The following SCAMP1 variants were observed in gnomAD, a reference collection of about 807,000 sequenced individuals.
SCAMP1 encodes the protein secretory carrier membrane protein 1, also known as secretory carrier-associated membrane protein 1.
In SCAMP1, 15 loss-of-function variants were observed where a neutral mutation model predicts 41.8. The observed-to-expected ratio is 0.36, with a 90% CI of 0.24 to 0.55. The LOEUF is 0.55. Among genes scored for constraint, SCAMP1 ranks in the 20% least tolerant of loss-of-function variants. The pLI, the probability that SCAMP1 is intolerant of heterozygous loss-of-function variation, is 0.86. For missense variants in SCAMP1, 341 were observed against 412.6 expected (o/e 0.83, Z 1.50); for synonymous variants, 135 against 136.8 (o/e 0.99, Z 0.09).
intron 7 of SCAMP1, among the ~76,000 whole-genome samples, chr5:78,457,442 T>C (rs540140297): frequency 0.013 from 1,994 of 150,276 alleles, 17 homozygotes; most frequent in African/African-American, 0.025. Flanking sequence ...GAATACCCTG[T>C]CGTGTAAGGT....
At chr5:78,367,121 G>A (rs1490314860) in intron 1 of SCAMP1, among the ~76,000 whole-genome samples, 1 of 152,110 alleles carries the variant, frequency 6.6e-6, no homozygotes, top group African/African-American at 2.4e-5. Context: ...TCAACTGCAT[G>A]AATTCCTGCT....
At chr5:78,456,761 A>T (rs1265747705) in intron 7 of SCAMP1, among the ~76,000 whole-genome samples, 1 of 145,026 alleles carries the variant, frequency 6.9e-6, no homozygotes, top group African/African-American at 2.7e-5. Flanking sequence ...GTTCTCCTGG[A>T]TAATATCCTG....
intron 2 of SCAMP1, among the ~76,000 whole-genome samples, chr5:78,411,787 C>G (rs1431040421): frequency 6.6e-6 from 1 of 151,934 alleles, no homozygotes; most frequent in African/African-American, 2.4e-5. Context: ...TTTTAAAGAC[C>G]AGATATTCAT....
chr5:78,371,590 C>T (rs958341010), intron 1 of SCAMP1, among the ~76,000 whole-genome samples: 1 of 152,068 alleles, frequency 6.6e-6, no homozygotes, highest in South Asian at 2.1e-4. Flanking sequence ...TTAACTTGTC[C>T]GGCTTCTAAA....
intron 1 of SCAMP1, chr5:78,360,975 A>T (rs1464568766): frequency 2.0e-6 from 1 of 496,082 alleles, no homozygotes. Context: ...CCGACTGGTG[A>T]GGGTCGTGTC....
At chr5:78,432,730 C>G (rs1752654268) in intron 6 of SCAMP1, among the ~76,000 whole-genome samples, 1 of 151,852 alleles carries the variant, frequency 6.6e-6, no homozygotes, top group Non-Finnish European at 1.5e-5. Context: ...TTCTGTTTAT[C>G]CTTAGTGTTG....
chr5:78,411,315 A>G (rs990574521), intron 2 of SCAMP1, among the ~76,000 whole-genome samples: 4 of 152,150 alleles, frequency 2.6e-5, no homozygotes, highest in Non-Finnish European at 4.4e-5. Flanking sequence ...AGAAGTTAGC[A>G]TTGATTAGCC....
At chr5:78,369,601 G>C (rs370861831) in intron 1 of SCAMP1, among the ~76,000 whole-genome samples, 1 of 152,240 alleles carries the variant, frequency 6.6e-6, no homozygotes, top group African/African-American at 2.4e-5. Flanking sequence ...AGCACATGCT[G>C]TTGGGAAAAT....
chr5:78,369,414 A>G (rs896257758), intron 1 of SCAMP1, among the ~76,000 whole-genome samples: 5 of 152,270 alleles, frequency 3.3e-5, no homozygotes, highest in African/African-American at 9.6e-5. Flanking sequence ...GCCAGGACAC[A>G]TAACATTTAT....
intron 2 of SCAMP1, among the ~76,000 whole-genome samples, chr5:78,400,659 G>A (rs1026139442): frequency 5.9e-5 from 9 of 152,140 alleles, no homozygotes; most frequent in Middle Eastern, 3.2e-3. Flanking sequence ...GTTCATTGCT[G>A]TTACATATGA....
intron 2 of SCAMP1, among the ~76,000 whole-genome samples, chr5:78,396,322 A>T (rs1344570669): frequency 4.6e-5 from 7 of 152,176 alleles, no homozygotes; most frequent in Admixed American, 2.6e-4. Flanking sequence ...AGATATTGAT[A>T]ATGGGGGAGA....
intron 2 of SCAMP1, among the ~76,000 whole-genome samples, chr5:78,399,304 T>A (rs1447608433): frequency 1.3e-5 from 2 of 152,212 alleles, no homozygotes; most frequent in Non-Finnish European, 2.9e-5. Context: ...TTTGTATGGA[T>A]GTAAGTTTTC....
chr5:78,455,010 C>T (rs1753349631), intron 7 of SCAMP1, among the ~76,000 whole-genome samples: 1 of 152,012 alleles, frequency 6.6e-6, no homozygotes, highest in Admixed American at 6.6e-5. Flanking sequence ...GTTTGTATTT[C>T]TGTGGGATCA....
chr5:78,418,860 A>G lies in SCAMP1; in HGVS notation c.429A>G (p.Val143=). Residue 143 remains valine (V), a synonymous_variant, in exon 5 of 9, where the codon GTA becomes GTG. Transcript: ENST00000621999. The stretch of plus-strand genomic sequence containing the variant: ...AGGATTTTTCTGTAGACATTCCTGT[A>G]GAATTCCAAAAGACAGTAAAGCTTA... ...FYQDFSVDIP[V]EFQKTVKLMY... is the part of the protein sequence containing the mutation. The G allele has an allele frequency of 6.3e-7, 1 of 1,581,362 alleles. No homozygotes were observed. Among genetic ancestry groups the G allele is most frequent in the Admixed American group, 1.8e-5 (1 of 55,492 alleles).
intron 1 of SCAMP1, among the ~76,000 whole-genome samples, chr5:78,367,073 G>A (rs1750816508): frequency 1.3e-5 from 2 of 152,302 alleles, no homozygotes; most frequent in South Asian, 4.1e-4. Context: ...GGAACATAGT[G>A]GTTGCAGTTT....
chr5:78,416,499 T>TCCCC (rs1561267255), intron 3 of SCAMP1, 42 bp from the exon 4 acceptor site: 1 of 1,422,204 alleles, frequency 7.0e-7, no homozygotes, highest in Non-Finnish European at 9.6e-7. Context: ...AAGTATTTTA[T>TCCCC]ACTTCTGACA....
chr5:78,462,805 T>G (rs1469780587), intron 8 of SCAMP1, among the ~76,000 whole-genome samples: 1 of 152,228 alleles, frequency 6.6e-6, no homozygotes. Flanking sequence ...TATTTAAAGT[T>G]TTATTTTGTC....
intron 1 of SCAMP1, among the ~76,000 whole-genome samples, chr5:78,372,647 A>G (rs910454548): frequency 2.0e-5 from 3 of 152,212 alleles, no homozygotes; most frequent in Non-Finnish European, 4.4e-5. Flanking sequence ...ATTTGTCATA[A>G]CAATAAAAGG....
chr5:78,402,300 G>C (rs1200497161), intron 2 of SCAMP1, among the ~76,000 whole-genome samples: 1 of 151,778 alleles, frequency 6.6e-6, no homozygotes, highest in African/African-American at 2.4e-5. Flanking sequence ...TCTGCTGTTG[G>C]ATGAAGTGGT....
Sources: allele counts gnomAD v4.1 joint callset (sites outside exome capture counted in the v4.1 genomes callset), GRCh38; gene constraint gnomAD v4.1.1; transcripts MANE v1.5; gene names NCBI Gene and HGNC (gene_info 2026-07-23, HGNC 2026-07-21).